Variants in HERPUD2 observed in about 807,000 individuals in gnomAD.
The protein encoded by HERPUD2 is homocysteine-responsive endoplasmic reticulum-resident ubiquitin-like domain member 2 protein.
Under a neutral mutation model 49.9 loss-of-function variants are expected in HERPUD2, and 13 were observed. That is an observed-to-expected ratio of 0.26 (90% CI 0.17 to 0.41). The LOEUF is 0.41. Among genes scored for constraint, HERPUD2 ranks in the 10% least tolerant of loss-of-function variants. The pLI is 1.00. For missense variants in HERPUD2, 449 were observed against 492.2 expected (o/e 0.91, Z 0.83); for synonymous variants, 172 against 171.4 (o/e 1.00, Z -0.03).
Position 35,635,313 on chromosome 7 carries a change from C to T in HERPUD2, c.763G>A (p.Glu255Lys). The change falls in exon 7 of 9, where the codon GAG (glutamate) becomes AAG (lysine). Residue 255 changes from glutamate to lysine, a missense_variant. Glu to Lys is a moderately conservative substitution (Grantham distance 56). Transcript: ENST00000311350. ...CCCTGTGCATTCATTTGAACATTCT[C>T]ATTCATGGGTCGATTTTCTTGGGCC... ...LVAQENRPMN[E>K]NVQMNAQGGP... The T allele has an allele frequency of 6.2e-7, 1 of 1,614,112 alleles. No homozygotes were observed. Among genetic ancestry groups the T allele is most frequent in the Non-Finnish European group, 8.5e-7 (1 of 1,180,024 alleles).
At chr7:35,664,032 G>A (rs1218650958) in intron 5 of HERPUD2, among the ~76,000 whole-genome samples, 13 of 152,134 alleles carry the variant, frequency 8.5e-5, no homozygotes, top group East Asian at 1.9e-4. Context: ...GGCTGGTACC[G>A]GTTGTTCCTT....
At position 35,688,068 on chromosome 7, in the gene HERPUD2, T is replaced by C. The variant is rs567103703; in HGVS notation, c.147+6116A>G. On this transcript the variant is annotated intron_variant, in intron 2 of 8. Transcript: ENST00000311350. ...TACAGGTTAGTTCAATGAACTATAA[T>C]CTAGTCCTTTAAAAGTAGTAACTAT... Among the ~76,000 whole-genome samples the C allele has an allele frequency of 3.2e-3, 492 of 152,322 alleles. 2 individuals carry two copies. The highest frequency in any genetic ancestry group is 0.011 in the African/African-American group (468 of 41,584).
intron 2 of HERPUD2, among the ~76,000 whole-genome samples, chr7:35,688,601 A>G (rs1005964528): frequency 8.5e-5 from 13 of 152,370 alleles, no homozygotes; most frequent in African/African-American, 3.1e-4. Context: ...ATCAGAATAA[A>G]GAGATATAAC....
intron 5 of HERPUD2, among the ~76,000 whole-genome samples, chr7:35,663,009 T>C (rs549492844): frequency 6.6e-6 from 1 of 152,374 alleles, no homozygotes; most frequent in Non-Finnish European, 1.5e-5. Flanking sequence ...GGGCATTTAG[T>C]GCTATAAATT....
intron 5 of HERPUD2, among the ~76,000 whole-genome samples, chr7:35,662,225 G>GTCC (rs1785440473): frequency 1.3e-5 from 2 of 152,184 alleles, no homozygotes; most frequent in African/African-American, 4.8e-5. Context: ...GGATGAAACT[G>GTCC]ACTTGATCGT....
chr7:35,653,934 G>A (rs987606307), intron 5 of HERPUD2, among the ~76,000 whole-genome samples: 3 of 152,118 alleles, frequency 2.0e-5, no homozygotes, highest in Admixed American at 6.5e-5. Context: ...CAGGAGTTCT[G>A]CAGTGAGCTA....
intron 5 of HERPUD2, among the ~76,000 whole-genome samples, chr7:35,653,720 C>T (rs1785214706): frequency 6.6e-6 from 1 of 152,156 alleles, no homozygotes; most frequent in African/African-American, 2.4e-5. Context: ...CTTTTATGAC[C>T]ACAACGGAAT....
intron 2 of HERPUD2, among the ~76,000 whole-genome samples, chr7:35,679,321 T>G (rs1785830015): frequency 6.6e-6 from 1 of 152,204 alleles, no homozygotes; most frequent in Admixed American, 6.5e-5. Flanking sequence ...TAACCCAAAA[T>G]ACAGCTAACT....
chr7:35,691,357 G>T (rs1165018763), intron 2 of HERPUD2, among the ~76,000 whole-genome samples: 2 of 151,680 alleles, frequency 1.3e-5, no homozygotes, highest in African/African-American at 4.8e-5. Flanking sequence ...ATAGACATAT[G>T]ACCTATCTTT....
At chr7:35,646,228 G>A (rs1785052501) in intron 5 of HERPUD2, among the ~76,000 whole-genome samples, 1 of 152,174 alleles carries the variant, frequency 6.6e-6, no homozygotes, top group Admixed American at 6.5e-5. Context: ...TACCAACACA[G>A]TAAAAATTTC....
intron 5 of HERPUD2, among the ~76,000 whole-genome samples, chr7:35,660,546 C>A (rs1322546010): frequency 2.0e-5 from 3 of 152,194 alleles, no homozygotes; most frequent in Non-Finnish European, 4.4e-5. Flanking sequence ...CCTGTTGTTT[C>A]CTGACTTTTT....
chr7:35,643,030 T>C (rs1232850355), intron 5 of HERPUD2, among the ~76,000 whole-genome samples: 1 of 152,128 alleles, frequency 6.6e-6, no homozygotes, highest in Non-Finnish European at 1.5e-5. Context: ...CTTATAGAAA[T>C]ATGAAATATG....
At chr7:35,649,854 G>T (rs143379539) in intron 5 of HERPUD2, among the ~76,000 whole-genome samples, 2,861 of 152,158 alleles carry the variant, frequency 0.019, 94 homozygotes, top group African/African-American at 0.065. Flanking sequence ...ATGCTGGTCG[G>T]CTTTTCCTGA....
chr7:35,641,920 C>A (rs911815515), intron 5 of HERPUD2, among the ~76,000 whole-genome samples: 1 of 152,212 alleles, frequency 6.6e-6, no homozygotes, highest in South Asian at 2.1e-4. Flanking sequence ...GATTTCATGA[C>A]AAAGATGCCA....
intron 2 of HERPUD2, among the ~76,000 whole-genome samples, chr7:35,688,177 G>C (rs986161658): frequency 2.0e-5 from 3 of 152,130 alleles, no homozygotes; most frequent in Non-Finnish European, 2.9e-5. Flanking sequence ...TATCATTTCT[G>C]TGGGAAATGA....
intron 2 of HERPUD2, among the ~76,000 whole-genome samples, chr7:35,675,768 T>TA (rs897668108): frequency 1.7e-4 from 26 of 152,160 alleles, no homozygotes; most frequent in Non-Finnish European, 2.4e-4. Flanking sequence ...ATCTTTTTTT[T>TA]AAAAAAATGT....
At chr7:35,685,668 A>G (rs1183090908) in intron 2 of HERPUD2, among the ~76,000 whole-genome samples, 1 of 152,006 alleles carries the variant, frequency 6.6e-6, no homozygotes, top group Non-Finnish European at 1.5e-5. Context: ...TTCAGTTTAA[A>G]TATCAATGAA....
At chr7:35,679,969 T>C (rs1175893359) in intron 2 of HERPUD2, among the ~76,000 whole-genome samples, 1 of 152,182 alleles carries the variant, frequency 6.6e-6, no homozygotes, top group Non-Finnish European at 1.5e-5. Flanking sequence ...TCTCCAAAAG[T>C]TCCTCTCAGA....
intron 5 of HERPUD2, among the ~76,000 whole-genome samples, chr7:35,651,202 C>T (rs2392376): frequency 0.53 from 80,825 of 151,942 alleles, 21,691 homozygotes; most frequent in African/African-American, 0.59. Context: ...CCTAGGGGCC[C>T]GATGACATGC....
Sources: allele counts gnomAD v4.1 joint callset (sites outside exome capture counted in the v4.1 genomes callset), GRCh38; gene constraint gnomAD v4.1.1; transcripts MANE v1.5; gene names NCBI Gene and HGNC (gene_info 2026-07-23, HGNC 2026-07-21).